Variants in CEBPZOS observed in about 807,000 individuals in gnomAD.
CEBPZOS encodes the protein CEBPZ opposite strand.
In CEBPZOS, 10 loss-of-function variants were observed where a neutral mutation model predicts 4.8. That is an observed-to-expected ratio of 2.07 (90% CI 1.28 to 3.52). The LOEUF (loss-of-function observed/expected upper bound fraction) is 3.52, where lower values mean the gene tolerates loss of function less well. CEBPZOS is among the 30% of genes most tolerant of loss of function. The probability of loss-of-function intolerance (pLI) is 0.00; values close to 1 mark genes in which losing one functional copy is unlikely to be tolerated. For missense variants in CEBPZOS, 98 were observed against 43.6 expected (o/e 2.25, Z -3.51); for synonymous variants, 25 against 14.2 (o/e 1.77, Z -1.72).
chr2:37,204,023 T>G lies in CEBPZOS; in HGVS notation c.*2163T>G, dbSNP rs951762403. 11 of 152,242 alleles carry G rather than the reference T, an allele frequency of 7.2e-5. No homozygotes were observed. The highest frequency in any genetic ancestry group is 2.0e-4 in the Admixed American group (3 of 15,284). The allele number at this position is 152,242 out of a possible 1,614,324, so 9.4% of individuals were successfully genotyped here. ...ACAAGTCTTTGTATCAGAGCCACTTTTGATAAAATAGTTTCTAAAACATTT... is the reference window on the plus strand; with the variant it reads ...ACAAGTCTTTGTATCAGAGCCACTTGTGATAAAATAGTTTCTAAAACATTT... On this transcript the variant is annotated 3_prime_UTR_variant, in exon 5 of 5. Coordinates refer to ENST00000402297, the MANE Select transcript of CEBPZOS (RefSeq NM_001322374.2).
chr2:37,199,762 G>A lies in CEBPZOS; in HGVS notation c.58G>A (p.Glu20Lys), dbSNP rs771263212. 1.1e-5 allele frequency: 8 copies of A among 717,428 alleles called. No homozygotes were observed. Among genetic ancestry groups the A allele is most frequent in the Non-Finnish European group, 2.6e-6 (1 of 385,086 alleles). The allele number at this position is 717,428 out of a possible 1,614,324, so 44.4% of individuals were successfully genotyped here. Reference protein sequence around the residue: ...KKIFKGVLVAELVGVFGAYFL... With the variant: ...KKIFKGVLVAKLVGVFGAYFL... ...GATCTTTAAAGGAGTTTTGGTAGCC[G>A]AACTTGTAGGCGTTTTTGGAGCATA... The change falls in exon 2 of 5, where the codon GAA (glutamate) becomes AAA (lysine). Residue 20 changes from glutamate (E) to lysine (K), a missense_variant. Glu to Lys is a moderately conservative substitution (Grantham distance 56). Transcript: ENST00000402297.
chr2:37,197,993 CTACTAAAA>C (rs1677032250), intron 1 of CEBPZOS, among the ~76,000 whole-genome samples: 2 of 152,028 alleles, frequency 1.3e-5, no homozygotes, highest in South Asian at 4.2e-4. Context: ...AAATCCGTCT[CTACTAAAA>C]TACAAAAAAT....
At chr2:37,212,092 G>C (rs1181274490) in intron 4 of CEBPZOS, 1 of 1,474,644 alleles carries the variant, frequency 6.8e-7, no homozygotes, top group Non-Finnish European at 9.1e-7. Context: ...TTCTAAAGTA[G>C]TGTTTTGCTG....
At chr2:37,197,074 C>A (rs1198305019) in intron 1 of CEBPZOS, among the ~76,000 whole-genome samples, 1 of 152,194 alleles carries the variant, frequency 6.6e-6, no homozygotes, top group Non-Finnish European at 1.5e-5. Flanking sequence ...CGTCTCAGCC[C>A]CGTGTGATGT....
chr2:37,201,731 G>A lies in CEBPZOS; in HGVS notation c.*2+5G>A, dbSNP rs370656061. 6.5e-5 allele frequency: 79 copies of A among 1,217,240 alleles called. No homozygotes were observed. The highest frequency in any genetic ancestry group is 1.2e-4 in the Admixed American group (6 of 51,710). 75.4% of individuals were successfully genotyped at this position (1,217,240 alleles called of 1,614,324 possible). A position where few individuals can be genotyped will look rare whatever the true frequency, so the allele number is the denominator to read the frequency against. On this transcript the variant is annotated splice_donor_5th_base_variant and intron_variant, in intron 4 of 4. Coordinates refer to ENST00000402297, the MANE Select transcript of CEBPZOS (RefSeq NM_001322374.2). ...GTTGAACAGCAAAAATTAGATGTAA[G>A]TAGAATTTTAATCTATAATTTACAT...
intron 1 of CEBPZOS, among the ~76,000 whole-genome samples, chr2:37,198,896 G>A (rs1677078017): frequency 6.6e-6 from 1 of 152,186 alleles, no homozygotes; most frequent in Non-Finnish European, 1.5e-5. Flanking sequence ...GCTCATGCCT[G>A]TAATCCCAGC....
intron 1 of CEBPZOS, among the ~76,000 whole-genome samples, chr2:37,198,020 C>T (rs1306931652): frequency 6.6e-6 from 1 of 151,930 alleles, no homozygotes; most frequent in African/African-American, 2.4e-5. Flanking sequence ...ATTTGCTGGG[C>T]CTGGTGGCGG....
chr2:37,211,996 C>T, intron 4 of CEBPZOS: 1 of 1,610,692 alleles, frequency 6.2e-7, no homozygotes, highest in Non-Finnish European at 8.5e-7. Flanking sequence ...GAATCTTCAT[C>T]TAATGTGTTA....
chr2:37,200,184 T>C (rs1677149207), intron 2 of CEBPZOS, among the ~76,000 whole-genome samples: 1 of 152,188 alleles, frequency 6.6e-6, no homozygotes, highest in South Asian at 2.1e-4. Context: ...GTATTGCTGT[T>C]TTCTGAGTAA....
chr2:37,212,697 CT>C, intron 4 of CEBPZOS: 1 of 375,146 alleles, frequency 2.7e-6, no homozygotes, highest in East Asian at 5.6e-5. Context: ...CCTTTTTACT[CT>C]ATTAGAACTA....
chr2:37,202,934 A>C lies in CEBPZOS; in HGVS notation c.*1074A>C, dbSNP rs774746792. ...TGTAGAATAGCTAGCTTGTTAAAAC[A>C]GTACATTAGCCTTACCTCTTCAGCA... On this transcript the variant is annotated 3_prime_UTR_variant, in exon 5 of 5. Transcript: ENST00000402297. The C allele has an allele frequency of 8.1e-6, 13 of 1,595,714 alleles. No homozygotes were observed. The East Asian group carries it at 9.0e-5, about 11-fold the overall frequency.
chr2:37,214,169 T>A (rs17020309), downstream of CEBPZOS, among the ~76,000 whole-genome samples: 3,330 of 152,232 alleles, frequency 0.022, 72 homozygotes, highest in African/African-American at 0.061. Context: ...TGTAATACAT[T>A]TCAAAGATAA....
chr2:37,212,003 G>A (rs1309036263), intron 4 of CEBPZOS: 3 of 1,603,258 alleles, frequency 1.9e-6, no homozygotes, highest in African/African-American at 1.3e-5. Context: ...CATCTAATGT[G>A]TTATCCTTAG....
downstream of CEBPZOS, chr2:37,209,436 A>G (rs960445630): frequency 3.3e-5 from 5 of 152,206 alleles, no homozygotes; most frequent in Non-Finnish European, 5.9e-5. Context: ...GTACTTGTAC[A>G]AAAACAGGCA....
At chr2:37,201,199 G>T in intron 3 of CEBPZOS, 107 bp downstream of exon 3, 2 of 636,322 alleles carry the variant, frequency 3.1e-6, no homozygotes, top group Non-Finnish European at 5.7e-6. Flanking sequence ...CTATTCACAT[G>T]TATTTTAGTT....
At position 37,199,826 on chromosome 2, in the gene CEBPZOS, A is replaced by G; in HGVS notation, c.115+7A>G. 1 of 717,306 alleles carries G rather than the reference A, an allele frequency of 1.4e-6. No homozygotes were observed. The highest frequency in any genetic ancestry group is 2.6e-6 in the Non-Finnish European group (1 of 384,902). 44.4% of individuals were successfully genotyped at this position (717,306 alleles called of 1,614,324 possible). A position where few individuals can be genotyped will look rare whatever the true frequency, so the allele number is the denominator to read the frequency against. On this transcript the variant is annotated splice_region_variant and intron_variant, in intron 2 of 4. Transcript: ENST00000402297. ...AAGATGCACACAAGCCAAGGTAATCATAATTCAGAAGTTAATGCTTTCTAA... is the reference window on the plus strand; with the variant it reads ...AAGATGCACACAAGCCAAGGTAATCGTAATTCAGAAGTTAATGCTTTCTAA...
intron 1 of CEBPZOS, among the ~76,000 whole-genome samples, chr2:37,197,824 C>T (rs1178056543): frequency 6.6e-6 from 1 of 151,960 alleles, no homozygotes; most frequent in Non-Finnish European, 1.5e-5. Context: ...CAGGATCGCA[C>T]CACTGCACTC....
downstream of CEBPZOS, among the ~76,000 whole-genome samples, chr2:37,205,822 C>T (rs1312314942): frequency 6.6e-6 from 1 of 152,146 alleles, no homozygotes; most frequent in Non-Finnish European, 1.5e-5. Context: ...CCTTGTGTTA[C>T]ACTGTGAAGC....
At chr2:37,207,131 C>G (rs557562617), downstream of CEBPZOS, among the ~76,000 whole-genome samples, 1 of 152,276 alleles carries the variant, frequency 6.6e-6, no homozygotes, top group Admixed American at 6.5e-5. Flanking sequence ...GCACCTACCA[C>G]CAGAGCTTCC....
Sources: allele counts gnomAD v4.1 joint callset (sites outside exome capture counted in the v4.1 genomes callset), GRCh38; gene constraint gnomAD v4.1.1; transcripts MANE v1.5; gene names NCBI Gene and HGNC (gene_info 2026-07-23, HGNC 2026-07-21).